MBNL2: variants seen among roughly 807,000 people sequenced by gnomAD.
MBNL2 encodes the protein muscleblind-like protein 2.
Under a neutral mutation model 41.9 loss-of-function variants are expected in MBNL2, and 17 were observed. The ratio of observed to expected loss-of-function variants is 0.41; its 90% CI spans 0.28 to 0.61. MBNL2 has a LOEUF of 0.61. MBNL2 is among the 20% of genes least tolerant of loss of function. MBNL2 has a pLI of 0.35. For synonymous variants in MBNL2, 195 were observed against 182.9 expected (o/e 1.07, Z -0.53); for missense variants, 336 against 505.6 (o/e 0.66, Z 3.22).
the MBNL2 span, among the ~76,000 whole-genome samples, chr13:97,152,554 G>A: frequency 1.3e-5 from 2 of 152,064 alleles, no homozygotes; most frequent in Non-Finnish European, 2.9e-5. Flanking sequence ...AGAAAGTAAA[G>A]AAATAATCAA....
At chr13:97,163,164 G>A in the MBNL2 span, among the ~76,000 whole-genome samples, 1 of 152,144 alleles carries the variant, frequency 6.6e-6, no homozygotes, top group Non-Finnish European at 1.5e-5. Flanking sequence ...CAGGGCGTAG[G>A]GTCCGGCTTG....
intron 5 of MBNL2, among the ~76,000 whole-genome samples, chr13:97,347,599 A>T (rs1355213963): frequency 6.6e-6 from 1 of 152,182 alleles, no homozygotes; most frequent in Non-Finnish European, 1.5e-5. Context: ...CCCCATCTCA[A>T]TGAGGTTTTA....
chr13:97,330,264 G>C (rs1433547044), intron 2 of MBNL2, among the ~76,000 whole-genome samples: 4 of 152,180 alleles, frequency 2.6e-5, no homozygotes, highest in Non-Finnish European at 4.4e-5. Flanking sequence ...GGGCTTATGT[G>C]ACCCATGAGC....
At chr13:97,258,764 AACTGGATGGCTCTT>A (rs2048037704) in intron 1 of MBNL2, among the ~76,000 whole-genome samples, 1 of 152,172 alleles carries the variant, frequency 6.6e-6, no homozygotes, top group East Asian at 1.9e-4. Flanking sequence ...GAGTTTGGAC[AACTGGATGGCTCTT>A]TCTGGTAGAT....
chr13:97,257,142 A>G (rs780553618), intron 1 of MBNL2, among the ~76,000 whole-genome samples: 4 of 151,650 alleles, frequency 2.6e-5, no homozygotes, highest in Non-Finnish European at 4.4e-5. Flanking sequence ...AAAAGGTATT[A>G]TTCAGACCCT....
At chr13:97,372,611 GT>G (rs1411193362) in intron 8 of MBNL2, among the ~76,000 whole-genome samples, 1 of 152,042 alleles carries the variant, frequency 6.6e-6, no homozygotes, top group Admixed American at 6.5e-5. Flanking sequence ...ACCTGACATA[GT>G]TTTATTATAT....
the MBNL2 span, among the ~76,000 whole-genome samples, chr13:97,183,626 C>T: frequency 8.9e-3 from 1,360 of 152,278 alleles, 20 homozygotes; most frequent in African/African-American, 0.031. Flanking sequence ...ATTTTACGCC[C>T]ACAGTTGGGT....
At chr13:97,343,680 T>C (rs1387204375) in intron 4 of MBNL2, among the ~76,000 whole-genome samples, 2 of 152,188 alleles carry the variant, frequency 1.3e-5, no homozygotes, top group African/African-American at 2.4e-5. Flanking sequence ...ATTTACCAAT[T>C]GGTATGATCA....
chr13:97,142,602 G>A, the MBNL2 span, among the ~76,000 whole-genome samples: 1 of 152,216 alleles, frequency 6.6e-6, no homozygotes, highest in African/African-American at 2.4e-5. Context: ...AAGAGTCTAT[G>A]GCTGGCTCTG....
In MBNL2 at chr13:97,366,777, T is replaced by C; in HGVS notation, c.1048+1606T>C. 1.6e-6 allele frequency: 1 copy of C among 609,226 alleles called. No homozygotes were observed. Among genetic ancestry groups the C allele is most frequent in the Admixed American group, 2.8e-5 (1 of 35,980 alleles). The allele number at this position is 609,226 out of a possible 1,614,324, so 37.7% of individuals were successfully genotyped here. On this transcript the variant is annotated intron_variant, in intron 8 of 8. Transcript: ENST00000679496. This position sits in a 1 kb window ranked among gnomAD's most constrained non-coding sequence, Gnocchi z 4.7. ...ATGTTTTGTGTTGCACTGTTTGTTTTCGTACCTAATATTGTGTAATTAACC... is the reference window on the plus strand; with the variant it reads ...ATGTTTTGTGTTGCACTGTTTGTTTCCGTACCTAATATTGTGTAATTAACC...
the MBNL2 span, among the ~76,000 whole-genome samples, chr13:97,212,430 C>A: frequency 3.9e-4 from 60 of 152,286 alleles, no homozygotes; most frequent in African/African-American, 1.4e-3. Context: ...CCCAGCTCCA[C>A]CTGATTGCCT....
chr13:97,342,697 G>C (rs1356287835), intron 3 of MBNL2, among the ~76,000 whole-genome samples: 1 of 152,166 alleles, frequency 6.6e-6, no homozygotes, highest in Non-Finnish European at 1.5e-5. Flanking sequence ...TACTACCTTA[G>C]TGTTATAACA....
chr13:97,351,561 T>A (rs1477669152), intron 5 of MBNL2, among the ~76,000 whole-genome samples: 1 of 152,354 alleles, frequency 6.6e-6, no homozygotes, highest in East Asian at 1.9e-4. Flanking sequence ...AATAACTTGC[T>A]GCTGCTTCTC....
intron 5 of MBNL2, among the ~76,000 whole-genome samples, chr13:97,348,564 G>C (rs1424121467): frequency 1.3e-5 from 2 of 152,038 alleles, no homozygotes; most frequent in African/African-American, 4.8e-5. Context: ...GCACTTGCTG[G>C]GTAGAATAAA....
chr13:97,170,280 T>C, the MBNL2 span, among the ~76,000 whole-genome samples: 15,744 of 152,268 alleles, frequency 0.1, 923 homozygotes, highest in South Asian at 0.16. Context: ...TTATTAACTG[T>C]GAACCAGTCA....
At chr13:97,152,182 G>C in the MBNL2 span, among the ~76,000 whole-genome samples, 1 of 152,072 alleles carries the variant, frequency 6.6e-6, no homozygotes, top group Non-Finnish European at 1.5e-5. Context: ...GGAATCTAGA[G>C]ATTAAAAAAT....
chr13:97,180,559 A>G, the MBNL2 span, among the ~76,000 whole-genome samples: 2 of 151,648 alleles, frequency 1.3e-5, no homozygotes, highest in East Asian at 3.9e-4. Context: ...ACATGGTGAA[A>G]CCCTTCTCTA....
intron 2 of MBNL2, among the ~76,000 whole-genome samples, chr13:97,284,291 G>A (rs77938585): frequency 0.063 from 9,631 of 152,178 alleles, 840 homozygotes; most frequent in African/African-American, 0.19. Flanking sequence ...GGTTGGGGAA[G>A]TTGGGGGAGA....
chr13:97,183,990 A>G, the MBNL2 span, among the ~76,000 whole-genome samples: 1 of 152,220 alleles, frequency 6.6e-6, no homozygotes, highest in African/African-American at 2.4e-5. Context: ...TGAAACTAAG[A>G]CTTTTTAAAT....
Sources: allele counts gnomAD v4.1 joint callset (sites outside exome capture counted in the v4.1 genomes callset), GRCh38; gene constraint gnomAD v4.1.1; non-coding constraint Gnocchi (gnomAD v3.1); transcripts MANE v1.5; gene names NCBI Gene and HGNC (gene_info 2026-07-23, HGNC 2026-07-21).